The following ITSN2 variants were observed in gnomAD, a reference collection of about 807,000 sequenced individuals.
The protein encoded by ITSN2 is intersectin 2.
Under a neutral mutation model 243.7 loss-of-function variants are expected in ITSN2, and 156 were observed. The ratio of observed to expected loss-of-function variants is 0.64; its 90% confidence interval spans 0.56 to 0.73. The LOEUF (loss-of-function observed/expected upper bound fraction) is 0.73. ITSN2 is among the 30% of genes least tolerant of loss of function. The pLI, the probability that ITSN2 is intolerant of heterozygous loss-of-function variation, is 0.00. For missense variants in ITSN2, 1,801 were observed against 1,996.1 expected (o/e 0.90, Z 1.86); for synonymous variants, 703 against 699.9 (o/e 1.00, Z -0.07).
intron 30 of ITSN2, chr2:24,220,207 G>T (rs1670314392): frequency 1.0e-5 from 4 of 381,318 alleles, no homozygotes; most frequent in South Asian, 1.1e-4. Context: ...TGCACCTGTT[G>T]GGTGTGTGGG....
chr2:24,239,962 A>G (rs1460102399), intron 29 of ITSN2: 1 of 152,122 alleles, frequency 6.6e-6, no homozygotes, highest in Non-Finnish European at 1.5e-5. Flanking sequence ...CCTGATGAAC[A>G]TATTATTTTC....
chr2:24,343,172 C>T (rs936398797), intron 1 of ITSN2, among the ~76,000 whole-genome samples: 1 of 151,422 alleles, frequency 6.6e-6, no homozygotes, highest in Non-Finnish European at 1.5e-5. Flanking sequence ...AATGTTAATG[C>T]CTAGCTGATA....
In ITSN2 at chr2:24,204,858, C is replaced by T. The variant is rs991469997; in HGVS notation, c.4762+356G>A. ...TTCAGAAGAGTCATCAGTGGCTGGG[C>T]GCAGTGGCACTTTGTCAGTGACAAA... On this transcript the variant is annotated intron_variant, in intron 38 of 39. Transcript: ENST00000355123. This position sits in a 1 kb window ranked among gnomAD's most constrained non-coding sequence, Gnocchi z 5.1. 7.5e-6 allele frequency: 3 copies of T among 402,084 alleles called. No homozygotes were observed. The highest frequency in any genetic ancestry group is 3.6e-4 in the Middle Eastern group (1 of 2,812). 24.9% of individuals were successfully genotyped at this position (402,084 alleles called of 1,614,324 possible).
chr2:24,343,090 CAA>C (rs1254724019), intron 1 of ITSN2, among the ~76,000 whole-genome samples: 14 of 68,522 alleles, frequency 2.0e-4, no homozygotes, highest in African/African-American at 1.7e-4. Flanking sequence ...GACCCCATCT[CAA>C]AAAAAAAAAA....
chr2:24,335,339 C>T (rs950675746), intron 1 of ITSN2, among the ~76,000 whole-genome samples: 10 of 152,106 alleles, frequency 6.6e-5, no homozygotes, highest in African/African-American at 2.4e-4. Flanking sequence ...ATGTCCAGTG[C>T]TCTGGTTTTT....
At position 24,225,165 on chromosome 2, in the gene ITSN2, C is replaced by T. The variant is rs1209230023; in HGVS notation, c.3578-4099G>A. On this transcript the variant is annotated intron_variant, in intron 29 of 39. Coordinates refer to ENST00000355123, the MANE Select transcript of ITSN2 (RefSeq NM_006277.3). This position sits in a 1 kb window ranked among gnomAD's most constrained non-coding sequence, Gnocchi z 4.2. ...TCCTCCAGGGCCCCTCCCTTTCCTT[C>T]ACGCTTCTATGTTCACTCTTCGCCA... Among the ~76,000 whole-genome samples the T allele has an allele frequency of 5.3e-5, 8 of 152,158 alleles. No individual in the cohort carries two copies. The highest frequency in any genetic ancestry group is 2.9e-5 in the Non-Finnish European group (2 of 68,018).
chr2:24,203,998 G>A lies in ITSN2; in HGVS notation c.4937-215C>T. ...CATGGAATTCAAATCTCCATTCTGA[G>A]AATGCTCCAGGAGTGGTGTTCACGT... is the stretch of plus-strand genomic sequence containing the variant. On this transcript the variant is annotated intron_variant, in intron 39 of 39. Coordinates refer to ENST00000355123, the MANE Select transcript of ITSN2 (RefSeq NM_006277.3). The A allele has an allele frequency of 3.1e-6, 2 of 635,158 alleles. 1 individual carries two copies. The highest frequency in any genetic ancestry group is 4.0e-5 in the South Asian group (2 of 50,034). The allele number at this position is 635,158 out of a possible 1,614,324, so 39.3% of individuals were successfully genotyped here. A position where few individuals can be genotyped will look rare whatever the true frequency, so the allele number is the denominator to read the frequency against.
At position 24,204,523 on chromosome 2, in the gene ITSN2, G is replaced by A. The variant is rs927901065; in HGVS notation, c.4763-105C>T. 4 of 1,051,774 alleles carry A rather than the reference G, an allele frequency of 3.8e-6. No individual in the cohort carries two copies. Among genetic ancestry groups the A allele is most frequent in the African/African-American group, 1.6e-5 (1 of 64,212 alleles). 65.2% of individuals were successfully genotyped at this position (1,051,774 alleles called of 1,614,324 possible). ...GCAGGATTCCAATAATGGGTCACTC[G>A]AGACCATGGCAGCAGGAGCCGCTGC... is the stretch of plus-strand genomic sequence containing the variant. On this transcript the variant is annotated intron_variant, in intron 38 of 39. Coordinates refer to ENST00000355123, the MANE Select transcript of ITSN2 (RefSeq NM_006277.3). This position sits in a 1 kb window ranked among gnomAD's most constrained non-coding sequence, Gnocchi z 5.1.
intron 1 of ITSN2, among the ~76,000 whole-genome samples, chr2:24,351,668 C>G (rs1646291486): frequency 6.6e-6 from 1 of 152,106 alleles, no homozygotes; most frequent in Non-Finnish European, 1.5e-5. Flanking sequence ...TGGTAAAATC[C>G]TGCATTGCCC....
At chr2:24,264,256 T>C (rs1462335130) in intron 20 of ITSN2, among the ~76,000 whole-genome samples, 2 of 151,900 alleles carry the variant, frequency 1.3e-5, no homozygotes, top group Admixed American at 1.3e-4. Flanking sequence ...CCAGGCATGG[T>C]GGCACATGCC....
At chr2:24,269,824 C>T (rs971895647) in intron 20 of ITSN2, among the ~76,000 whole-genome samples, 1 of 152,174 alleles carries the variant, frequency 6.6e-6, no homozygotes, top group East Asian at 1.9e-4. Context: ...CATCCAGACA[C>T]CATCACCAAC....
At position 24,203,392 on chromosome 2, in the gene ITSN2, T is replaced by C. The variant is rs1455342844; in HGVS notation, c.*234A>G. 4.8e-6 allele frequency: 2 copies of C among 412,618 alleles called. No homozygotes were observed. Among genetic ancestry groups the C allele is most frequent in the East Asian group, 3.5e-5 (1 of 28,466 alleles). The allele number at this position is 412,618 out of a possible 1,614,324, so 25.6% of individuals were successfully genotyped here. ...ACCTTGGCATCTAAACAAACAGAGC[T>C]GAACATGTGAACACTAGGACAAGGC... is the stretch of plus-strand genomic sequence containing the variant. On this transcript the variant is annotated 3_prime_UTR_variant, in exon 40 of 40. Transcript: ENST00000355123.
rs555686083 is a variant in ITSN2, at chr2:24,207,027, G to C, written c.4678+1210C>G. On this transcript the variant is annotated intron_variant, in intron 37 of 39. Coordinates refer to ENST00000355123, the MANE Select transcript of ITSN2 (RefSeq NM_006277.3). ...TAGGCAGCTGGATGGGCCGGGCACA[G>C]GAAAGAGCTAGGGATGGGGCTGGGT... Among the ~76,000 whole-genome samples the C allele has an allele frequency of 3.9e-5, 6 of 152,282 alleles. No individual in the cohort carries two copies. The South Asian group carries it at 1.0e-3, about 26-fold the overall frequency.
At chr2:24,348,371 G>A (rs1162092356) in intron 1 of ITSN2, among the ~76,000 whole-genome samples, 1 of 151,638 alleles carries the variant, frequency 6.6e-6, no homozygotes, top group African/African-American at 2.4e-5. Context: ...AGACATTTTA[G>A]TAGAGACAAA....
intron 20 of ITSN2, among the ~76,000 whole-genome samples, chr2:24,267,381 T>A (rs79692564): frequency 5.6e-4 from 78 of 139,526 alleles, no homozygotes; most frequent in Non-Finnish European, 6.4e-4. Context: ...ACTTAAAGTA[T>A]AAAAAAAAAA....
intron 33 of ITSN2, among the ~76,000 whole-genome samples, chr2:24,212,124 AAG>A (rs959029390): frequency 6.6e-6 from 1 of 152,236 alleles, no homozygotes; most frequent in Non-Finnish European, 1.5e-5. Context: ...GCTTATCAAA[AAG>A]AAAGCTGGAA....
At chr2:24,257,403 T>C (rs909838001) in intron 23 of ITSN2, among the ~76,000 whole-genome samples, 41 of 152,046 alleles carry the variant, frequency 2.7e-4, no homozygotes, top group Admixed American at 2.7e-3. Context: ...AAAGATATTC[T>C]AAACTGAAAC....
chr2:24,253,726 T>C (rs943494510), intron 24 of ITSN2, among the ~76,000 whole-genome samples: 1 of 152,244 alleles, frequency 6.6e-6, no homozygotes, highest in Non-Finnish European at 1.5e-5. Flanking sequence ...ACGTAACAGA[T>C]ACTGAATAAA....
chr2:24,310,067 A>G (rs577608507), intron 7 of ITSN2, among the ~76,000 whole-genome samples: 1 of 152,256 alleles, frequency 6.6e-6, no homozygotes, highest in East Asian at 1.9e-4. Flanking sequence ...GTTTACATGA[A>G]TTATTTTTTC....
Sources: allele counts gnomAD v4.1 joint callset (sites outside exome capture counted in the v4.1 genomes callset), GRCh38; gene constraint gnomAD v4.1.1; non-coding constraint Gnocchi (gnomAD v3.1); transcripts MANE v1.5; gene names NCBI Gene and HGNC (gene_info 2026-07-23, HGNC 2026-07-21).